Variants in FOXP4 observed in about 807,000 individuals in gnomAD.
FOXP4 encodes forkhead box P4, also known as forkhead box protein P4.
In FOXP4, 25 loss-of-function variants were observed where a neutral mutation model predicts 82.6. That is an observed-to-expected ratio of 0.30 (90% confidence interval 0.22 to 0.42). FOXP4 has a LOEUF of 0.42. Among genes scored for constraint, FOXP4 ranks in the 10% least tolerant of loss-of-function variants. The pLI, the probability that FOXP4 is intolerant of heterozygous loss-of-function variation, is 1.00. For synonymous variants in FOXP4, 415 were observed against 388.2 expected (o/e 1.07, Z -0.81); for missense variants, 785 against 900.9 (o/e 0.87, Z 1.65).
chr6:41,554,423 G>C (rs1388602431), intron 1 of FOXP4, among the ~76,000 whole-genome samples: 1 of 152,224 alleles, frequency 6.6e-6, no homozygotes, highest in African/African-American at 2.4e-5. Flanking sequence ...AGTGGCAGCT[G>C]CCTCCTCGTG....
intron 13 of FOXP4, 84 bp from the exon 14 acceptor site, chr6:41,594,786 T>C: frequency 1.3e-6 from 2 of 1,577,020 alleles, no homozygotes; most frequent in Non-Finnish European, 1.7e-6. Flanking sequence ...CGCTGCTGCG[T>C]GGGACATGGG....
At position 41,587,237 on chromosome 6, in the gene FOXP4, G is replaced by A; in HGVS notation, c.659-62G>A. The A allele has an allele frequency of 1.9e-6, 3 of 1,608,516 alleles. No individual in the cohort carries two copies. In the South Asian group the frequency reaches 3.3e-5, roughly 18 times the overall value. On this transcript the variant is annotated intron_variant, in intron 6 of 16. Coordinates refer to ENST00000307972, the MANE Select transcript of FOXP4 (RefSeq NM_001012426.2). ...GCAACAGCTGGCAGCCCCTGTTCTTGGGGCCAGGTAGAAAGCCGAGTGTTC... is the reference window on the plus strand; with the variant it reads ...GCAACAGCTGGCAGCCCCTGTTCTTAGGGCCAGGTAGAAAGCCGAGTGTTC...
chr6:41,598,780 T>C lies in FOXP4; in HGVS notation c.1896-9T>C. 1 of 1,554,256 alleles carries C rather than the reference T, an allele frequency of 6.4e-7. No individual in the cohort carries two copies. Among genetic ancestry groups the C allele is most frequent in the Non-Finnish European group, 8.7e-7 (1 of 1,149,154 alleles). On this transcript the variant is annotated splice_polypyrimidine_tract_variant and intron_variant, in intron 16 of 16. Transcript: ENST00000307972. ...GCCGCCTGGTGCCCATGCCATACTT[T>C]TGCCTCAGCCACCAGGTGCAGGTGA...
chr6:41,547,784 C>CCCA (rs1554168728), intron 1 of FOXP4, among the ~76,000 whole-genome samples: 10 of 149,726 alleles, frequency 6.7e-5, no homozygotes, highest in Non-Finnish European at 1.3e-4. Context: ...AGGACCCCCC[C>CCCA]CCGCCCCAAC....
chr6:41,585,023 A>G, intron 4 of FOXP4, 132 bp downstream of exon 4: 1 of 1,278,726 alleles, frequency 7.8e-7, no homozygotes. Flanking sequence ...ACTGATCTGC[A>G]TTCCTCTAGG....
At chr6:41,552,591 C>T (rs758844035) in intron 1 of FOXP4, among the ~76,000 whole-genome samples, 5 of 152,162 alleles carry the variant, frequency 3.3e-5, no homozygotes, top group African/African-American at 4.8e-5. Flanking sequence ...TTTAACTGAG[C>T]GCATCAGTTC....
rs1766613043 is a variant in FOXP4, at chr6:41,593,148, A to G, written c.1537-1722A>G. On this transcript the variant is annotated intron_variant, in intron 13 of 16. Transcript: ENST00000307972. This position sits in a 1 kb window ranked among gnomAD's most constrained non-coding sequence, Gnocchi z 4.1. ...ATGTTACTTGGGAAATACACCATCT[A>G]CACCCAACTCTGCTTCCCTTCCACC... is the stretch of plus-strand genomic sequence containing the variant. Among the ~76,000 whole-genome samples the G allele has an allele frequency of 6.6e-6, 1 of 152,052 alleles. No homozygotes were observed. The highest frequency in any genetic ancestry group is 1.5e-5 in the Non-Finnish European group (1 of 68,014).
rs186698290 is a variant in FOXP4, at chr6:41,582,328, C to T, written c.301-2441C>T. 2.8e-3 allele frequency among the ~76,000 whole-genome samples: 426 copies of T among 152,272 alleles called. 5 individuals are homozygous for T. Among genetic ancestry groups the T allele is most frequent in the African/African-American group, 9.9e-3 (410 of 41,546 alleles). On this transcript the variant is annotated intron_variant, in intron 3 of 16. Coordinates refer to ENST00000307972, the MANE Select transcript of FOXP4 (RefSeq NM_001012426.2). ...TGCCGTGAAGATTCCATGAGATACA[C>T]GTGTAAAGGGCTTAGCCAAGTGCCG...
At position 41,597,844 on chromosome 6, in the gene FOXP4, G is replaced by A. The variant is rs141279563; in HGVS notation, c.1789G>A (p.Ala597Thr). ...CCCTGGCATGCTGAACCCTGGCTCCGCCAGCAGCCTGCTGCCCCTCAGCCA... is the reference window on the plus strand; with the variant it reads ...CCCTGGCATGCTGAACCCTGGCTCCACCAGCAGCCTGCTGCCCCTCAGCCA... Reference protein sequence around the residue: ...NSPGMLNPGSASSLLPLSHDD... With the variant: ...NSPGMLNPGSTSSLLPLSHDD... The change falls in exon 16 of 17, where the codon GCC becomes ACC. Residue 597 changes from alanine to threonine, a missense_variant. Physicochemically the swap from Ala to Thr is moderately conservative, Grantham distance 58. Coordinates refer to ENST00000307972, the MANE Select transcript of FOXP4 (RefSeq NM_001012426.2). The A allele has an allele frequency of 5.7e-3, 9,163 of 1,602,908 alleles. 29 individuals carry two copies. Among genetic ancestry groups the A allele is most frequent in the Non-Finnish European group, 7.1e-3 (8,305 of 1,177,844 alleles).
intron 3 of FOXP4, among the ~76,000 whole-genome samples, chr6:41,582,344 C>T (rs1231207734): frequency 6.6e-6 from 1 of 152,218 alleles, no homozygotes; most frequent in Non-Finnish European, 1.5e-5. Context: ...AAGGGCTTAG[C>T]CAAGTGCCGT....
At chr6:41,569,770 G>C (rs1036979598) in intron 2 of FOXP4, among the ~76,000 whole-genome samples, 2 of 152,156 alleles carry the variant, frequency 1.3e-5, no homozygotes, top group African/African-American at 4.8e-5. Flanking sequence ...GTCACGGGAG[G>C]GTTGCCTAGC....
chr6:41,577,457 T>C (rs1765550992), intron 2 of FOXP4, among the ~76,000 whole-genome samples: 1 of 152,150 alleles, frequency 6.6e-6, no homozygotes, highest in Admixed American at 6.5e-5. Flanking sequence ...GGAGCCAGGC[T>C]TCCTGGGCTC....
chr6:41,580,044 CTTTTTTTT>C (rs10644693), intron 3 of FOXP4, among the ~76,000 whole-genome samples: 1 of 131,942 alleles, frequency 7.6e-6, no homozygotes, highest in Non-Finnish European at 1.6e-5. Flanking sequence ...AGAACTCACA[CTTTTTTTT>C]TTTTTTTTTT....
chr6:41,594,792 A>T, intron 13 of FOXP4, 78 bp from the exon 14 acceptor site: 2 of 1,580,390 alleles, frequency 1.3e-6, no homozygotes, highest in Non-Finnish European at 1.7e-6. Flanking sequence ...TGCGTGGGAC[A>T]TGGGATGGGA....
At chr6:41,574,144 G>A (rs566896737) in intron 2 of FOXP4, among the ~76,000 whole-genome samples, 3 of 152,294 alleles carry the variant, frequency 2.0e-5, no homozygotes, top group African/African-American at 7.2e-5. Flanking sequence ...TTCCCCTGGA[G>A]TTTCCTTTCT....
intron 2 of FOXP4, among the ~76,000 whole-genome samples, chr6:41,571,890 C>T (rs752236812): frequency 1.3e-4 from 20 of 152,140 alleles, no homozygotes; most frequent in Non-Finnish European, 2.5e-4. Flanking sequence ...GTACCCCTTT[C>T]TTCCACCCTC....
intron 12 of FOXP4, among the ~76,000 whole-genome samples, chr6:41,590,909 CTT>C (rs1423023011): frequency 2.0e-5 from 3 of 152,244 alleles, no homozygotes; most frequent in Admixed American, 6.5e-5. Flanking sequence ...GGACTGACTG[CTT>C]TCACCCTCGG....
chr6:41,584,741 G>C, intron 3 of FOXP4, 28 bp from the exon 4 acceptor site: 1 of 1,560,524 alleles, frequency 6.4e-7, no homozygotes, highest in Non-Finnish European at 8.7e-7. Flanking sequence ...GGGTCCAGGG[G>C]ACAGGGCTAA....
At chr6:41,555,075 C>A (rs1301839301) in intron 1 of FOXP4, among the ~76,000 whole-genome samples, 2 of 151,896 alleles carry the variant, frequency 1.3e-5, no homozygotes, top group Non-Finnish European at 2.9e-5. Flanking sequence ...ATGGTGAAAC[C>A]CCCTCTCTAC....
Sources: allele counts gnomAD v4.1 joint callset (sites outside exome capture counted in the v4.1 genomes callset), GRCh38; gene constraint gnomAD v4.1.1; non-coding constraint Gnocchi (gnomAD v3.1); transcripts MANE v1.5; gene names NCBI Gene and HGNC (gene_info 2026-07-23, HGNC 2026-07-21).